The following CDH4 variants were observed in gnomAD, a reference collection of about 807,000 sequenced individuals.
CDH4 encodes cadherin 4, also known as cadherin-4.
Under a neutral mutation model 86.0 loss-of-function variants are expected in CDH4, and 33 were observed. The observed-to-expected ratio is 0.38, with a 90% CI of 0.29 to 0.51. The LOEUF is 0.51. CDH4 is among the 20% of genes least tolerant of loss of function. CDH4 has a pLI of 0.86. For synonymous variants in CDH4, 555 were observed against 549.4 expected, an observed-to-expected ratio of 1.01 and a Z score of -0.14; for missense variants, 1,114 against 1,307.4, an observed-to-expected ratio of 0.85 and a Z score of 2.28.
intron 2 of CDH4, among the ~76,000 whole-genome samples, chr20:61,429,547 ATGGATGGATGGG>A (rs2085233002): frequency 6.8e-6 from 1 of 148,114 alleles, no homozygotes; most frequent in African/African-American, 2.5e-5. Context: ...GTGTGAGTGG[ATGGATGGATGGG>A]TGGATGGATA....
At chr20:61,255,205 G>T (rs2084092197) in intron 2 of CDH4, among the ~76,000 whole-genome samples, 2 of 152,234 alleles carry the variant, frequency 1.3e-5, no homozygotes, top group Non-Finnish European at 2.9e-5. Flanking sequence ...ATAGTGTGCA[G>T]AGAGAGACCT....
intron 2 of CDH4, among the ~76,000 whole-genome samples, chr20:61,653,923 C>T (rs567752996): frequency 2.7e-5 from 4 of 150,288 alleles, no homozygotes; most frequent in South Asian, 2.1e-4. Flanking sequence ...CGCGCAGAGA[C>T]ACTCCTCACT....
intron 2 of CDH4, among the ~76,000 whole-genome samples, chr20:61,555,542 G>A (rs2086171214): frequency 6.6e-6 from 1 of 152,166 alleles, no homozygotes; most frequent in East Asian, 1.9e-4. Context: ...CCCACACCTG[G>A]GGGAGAAGCA....
At chr20:61,308,785 C>G (rs2123218668) in intron 2 of CDH4, among the ~76,000 whole-genome samples, 1 of 152,324 alleles carries the variant, frequency 6.6e-6, no homozygotes, top group African/African-American at 2.4e-5. Flanking sequence ...AGGAAGATTT[C>G]TGGAGGTTAG....
chr20:61,280,561 A>G (rs976520960), intron 2 of CDH4, among the ~76,000 whole-genome samples: 1 of 152,254 alleles, frequency 6.6e-6, no homozygotes, highest in African/African-American at 2.4e-5. Context: ...CTAGAAAGCC[A>G]GGGTTTCACG....
intron 4 of CDH4, among the ~76,000 whole-genome samples, chr20:61,818,841 C>G (rs1284175791): frequency 6.6e-6 from 1 of 152,028 alleles, no homozygotes; most frequent in Non-Finnish European, 1.5e-5. Context: ...TCCACACCCC[C>G]TGCGCCACCC....
chr20:61,495,181 G>A (rs910146983), intron 2 of CDH4, among the ~76,000 whole-genome samples: 2 of 152,244 alleles, frequency 1.3e-5, no homozygotes, highest in Non-Finnish European at 2.9e-5. Flanking sequence ...GGCCTCGTCC[G>A]TTTCATTCAG....
chr20:61,257,774 C>G (rs750271151), intron 2 of CDH4, among the ~76,000 whole-genome samples: 1 of 152,214 alleles, frequency 6.6e-6, no homozygotes, highest in Non-Finnish European at 1.5e-5. Flanking sequence ...CCAGCCCGCC[C>G]GGAAGCTGCA....
chr20:61,788,781 T>C (rs1326174110), intron 4 of CDH4, among the ~76,000 whole-genome samples: 1 of 152,208 alleles, frequency 6.6e-6, no homozygotes, highest in South Asian at 2.1e-4. Flanking sequence ...AAGACCTGAC[T>C]TCAGCTCAGA....
intron 2 of CDH4, among the ~76,000 whole-genome samples, chr20:61,449,354 C>T (rs536374815): frequency 3.3e-5 from 5 of 152,344 alleles, no homozygotes; most frequent in South Asian, 2.1e-4. Context: ...ATTCCTGATT[C>T]TCATGTTTGC....
intron 2 of CDH4, among the ~76,000 whole-genome samples, chr20:61,693,884 C>CT (rs11479778): frequency 0.06 from 4,948 of 82,740 alleles, 509 homozygotes; most frequent in East Asian, 0.13. Context: ...CTCTTTCTTT[C>CT]TTTTTTTTTT....
intron 2 of CDH4, among the ~76,000 whole-genome samples, chr20:61,383,159 T>TTA (rs1238423756): frequency 2.0e-4 from 18 of 88,802 alleles, no homozygotes; most frequent in South Asian, 1.6e-3. Flanking sequence ...TATGAATATA[T>TTA]TATATATATG....
rs143886478 is a variant in CDH4, at chr20:61,581,118, C to T, written c.170-162445C>T. ...CAGGTAGGGTCTTCCTCCCAGGAGT[C>T]GCCTTGCTTCCCGCTGGCCTGGTCT... On this transcript the variant is annotated intron_variant, in intron 2 of 15. Transcript: ENST00000614565. Among the ~76,000 whole-genome samples, 449 of 152,304 alleles carry T rather than the reference C, an allele frequency of 2.9e-3. 4 individuals are homozygous for T. The highest frequency in any genetic ancestry group is 0.01 in the African/African-American group (416 of 41,576).
chr20:61,824,442 T>C (rs192482534), intron 4 of CDH4, among the ~76,000 whole-genome samples: 294 of 151,874 alleles, frequency 1.9e-3, no homozygotes, highest in African/African-American at 6.8e-3. Context: ...CAGGCGAGAA[T>C]TAAAGCAGAG....
intron 2 of CDH4, among the ~76,000 whole-genome samples, chr20:61,275,924 G>A (rs2084229014): frequency 6.6e-6 from 1 of 152,112 alleles, no homozygotes; most frequent in South Asian, 2.1e-4. Context: ...GAAGTGATTT[G>A]ATTTTTGATG....
chr20:61,713,676 C>G (rs912883472), intron 2 of CDH4, among the ~76,000 whole-genome samples: 1 of 152,264 alleles, frequency 6.6e-6, no homozygotes, highest in Non-Finnish European at 1.5e-5. Context: ...GGCTGCCCCC[C>G]ACTGCCCTGC....
chr20:61,476,698 G>C (rs558495929), intron 2 of CDH4, among the ~76,000 whole-genome samples: 97 of 152,348 alleles, frequency 6.4e-4, no homozygotes, highest in African/African-American at 2.3e-3. Context: ...GGCGAGACCA[G>C]CCAGTGATTT....
intron 2 of CDH4, among the ~76,000 whole-genome samples, chr20:61,481,728 A>T (rs2145579435): frequency 6.6e-6 from 1 of 152,372 alleles, no homozygotes; most frequent in Non-Finnish European, 1.5e-5. Flanking sequence ...TGGGGGTTAA[A>T]AATGCAATAA....
intron 2 of CDH4, among the ~76,000 whole-genome samples, chr20:61,673,247 T>C (rs962968358): frequency 1.3e-5 from 2 of 152,188 alleles, no homozygotes; most frequent in African/African-American, 4.8e-5. Flanking sequence ...GTGGTTATCA[T>C]CAGAGCAGCC....
Sources: gnomAD v4.1 joint callset for allele counts (sites outside exome capture counted in the v4.1 genomes callset) on GRCh38, gnomAD v4.1.1 for gene constraint, MANE v1.5 for transcripts, NCBI Gene and HGNC (gene_info 2026-07-23, HGNC 2026-07-21) for gene names.